The following LTO1 variants were observed in gnomAD, a reference collection of about 807,000 sequenced individuals.
LTO1 encodes the protein protein LTO1 homolog.
LTO1 carries 18 observed loss-of-function variants against 19.8 expected under a neutral mutation model. The ratio of observed to expected loss-of-function variants is 0.91; its 90% confidence interval spans 0.63 to 1.35. The LOEUF (loss-of-function observed/expected upper bound fraction) is 1.35. Ranked by LOEUF, LTO1 falls within the 40% of genes most tolerant of loss-of-function variation. LTO1 has a pLI of 0.00. For synonymous variants in LTO1, 59 were observed against 59.6 expected (o/e 0.99, Z 0.05); for missense variants, 175 against 167.9 (o/e 1.04, Z -0.23).
In LTO1 at chr11:69,665,834, A is replaced by AT. The variant is rs1856025351; in HGVS notation, c.*1684_*1685insA. 6.6e-6 allele frequency: 1 copy of AT among 152,190 alleles called. No homozygotes were observed. The highest frequency in any genetic ancestry group is 2.1e-4 in the South Asian group (1 of 4,824). The allele number at this position is 152,190 out of a possible 1,614,324, so 9.4% of individuals were successfully genotyped here. A position where few individuals can be genotyped will look rare whatever the true frequency, so the allele number is the denominator to read the frequency against. ...CACACACGCAGGTTTAGAGTTCGGGAGGAGGAGACCTAAGTCCTGTCTTCA... is the reference window on the plus strand; with the variant it reads ...CACACACGCAGGTTTAGAGTTCGGGATGGAGGAGACCTAAGTCCTGTCTTCA... On this transcript the variant is annotated 3_prime_UTR_variant, in exon 5 of 5. Coordinates refer to ENST00000279147, the MANE Select transcript of LTO1 (RefSeq NM_153451.3).
At chr11:69,672,142 G>A in intron 2 of LTO1, 1 of 318,356 alleles carries the variant, frequency 3.1e-6, no homozygotes, top group Non-Finnish European at 6.2e-6. Flanking sequence ...ATAAAAGCCA[G>A]TGTCACTTGC....
chr11:69,671,606 C>A, intron 3 of LTO1, 143 bp downstream of exon 3: 1 of 648,536 alleles, frequency 1.5e-6, no homozygotes. Context: ...AATCTCCTAA[C>A]AACACTCAAG....
chr11:69,673,390 CTCTTG>C, intron 1 of LTO1, 69 bp from the exon 2 acceptor site: 1 of 1,068,990 alleles, frequency 9.4e-7, no homozygotes, highest in Non-Finnish European at 1.5e-6. Flanking sequence ...AAACTTCTCT[CTCTTG>C]TATTACCCGG....
Position 69,667,915 on chromosome 11 carries a change from T to C in LTO1, c.325A>G (p.Ile109Val). ...YDKLHEDLDK[I>V]RGKFKQFCSL... ...CGCACCTGTTTAAATTTTCCTCTGA[T>C]CTTGTCTAAGTCTTCATGGAGTTTA... The change falls in exon 4 of 5, where the codon ATC becomes GTC. Residue 109 changes from isoleucine (I) to valine (V), a missense_variant. Coordinates refer to ENST00000279147, the MANE Select transcript of LTO1 (RefSeq NM_153451.3). 2 of 1,543,448 alleles carry C rather than the reference T, an allele frequency of 1.3e-6. No homozygotes were observed. Among genetic ancestry groups the C allele is most frequent in the South Asian group, 1.1e-5 (1 of 89,646 alleles).
At chr11:69,673,763 C>T (rs568090980) in intron 1 of LTO1, among the ~76,000 whole-genome samples, 1 of 146,664 alleles carries the variant, frequency 6.8e-6, no homozygotes, top group Admixed American at 6.9e-5. Flanking sequence ...TCACAGCTCA[C>T]TATAGCCTCA....
intron 1 of LTO1, 37 bp downstream of exon 1, chr11:69,675,153 A>C (rs1856171958): frequency 2.5e-6 from 4 of 1,583,592 alleles, no homozygotes; most frequent in Admixed American, 3.5e-5. Context: ...GGAGACGACC[A>C]GACAGGGCGG....
At chr11:69,672,690 A>G (rs1007944919) in intron 2 of LTO1, 4 of 199,480 alleles carry the variant, frequency 2.0e-5, no homozygotes, top group Non-Finnish European at 3.2e-5. Context: ...TCCAGCATGC[A>G]TAATTTAATT....
chr11:69,670,043 A>C (rs1856086296), intron 3 of LTO1, among the ~76,000 whole-genome samples: 1 of 151,992 alleles, frequency 6.6e-6, no homozygotes, highest in African/African-American at 2.4e-5. Flanking sequence ...GACATGTAAG[A>C]TCTAAACATC....
chr11:69,667,439 G>A lies in LTO1; in HGVS notation c.*80C>T, dbSNP rs775449809. ...AATGAACAACTGCCTTCCCAGCACCGTCTGGCCCTTCACCGCATTTCTAAA... is the reference window on the plus strand; with the variant it reads ...AATGAACAACTGCCTTCCCAGCACCATCTGGCCCTTCACCGCATTTCTAAA... On this transcript the variant is annotated 3_prime_UTR_variant, in exon 5 of 5. Transcript: ENST00000279147. 6.6e-5 allele frequency: 63 copies of A among 955,116 alleles called. No homozygotes were observed. The highest frequency in any genetic ancestry group is 2.1e-4 in the Middle Eastern group (1 of 4,768). The allele number at this position is 955,116 out of a possible 1,614,324, so 59.2% of individuals were successfully genotyped here. A position where few individuals can be genotyped will look rare whatever the true frequency, so the allele number is the denominator to read the frequency against.
rs187474083 is a variant in LTO1 at position 69,674,514 on chromosome 11, A to G, written c.50+676T>C. The G allele has an allele frequency of 1.2e-5, 4 of 339,106 alleles. No homozygotes were observed. In the Admixed American group the frequency reaches 1.6e-4, roughly 13 times the overall value. 21.0% of individuals were successfully genotyped at this position (339,106 alleles called of 1,614,324 possible). On this transcript the variant is annotated intron_variant, in intron 1 of 4. Transcript: ENST00000279147. ...ACCCTGGAAAGTGACTGTGCCTCCTAGTCTGTAAATTCCGAAGAATAATAG... is the reference window on the plus strand; with the variant it reads ...ACCCTGGAAAGTGACTGTGCCTCCTGGTCTGTAAATTCCGAAGAATAATAG...
At chr11:69,675,005 G>C (rs773457896) in intron 1 of LTO1, 185 bp downstream of exon 1, 4 of 696,766 alleles carry the variant, frequency 5.7e-6, no homozygotes, top group South Asian at 3.1e-5. Flanking sequence ...GCCGGAGCGG[G>C]CCAGGAGAAG....
In LTO1 at chr11:69,671,817, G is replaced by C. The variant is rs554259450; in HGVS notation, c.159C>G (p.Ile53Met). Residue 53 changes from isoleucine (I) to methionine (M), a missense_variant and splice_region_variant, in exon 3 of 5, where the codon ATC (isoleucine) becomes ATG (methionine). Ile to Met is a conservative substitution (Grantham distance 10). Coordinates refer to ENST00000279147, the MANE Select transcript of LTO1 (RefSeq NM_153451.3). ...TLHGAKIGSE[I>M]GCYQGFAFAW... Reference sequence around the variant, plus strand: ...CAAAAGCAAAACCTTGGTAGCACCCGATCTGTGAATGTGAAAAATATTTAA... The same window carrying C: ...CAAAAGCAAAACCTTGGTAGCACCCCATCTGTGAATGTGAAAAATATTTAA... The C allele has an allele frequency of 2.5e-6, 4 of 1,571,312 alleles. No individual in the cohort carries two copies. The highest frequency in any genetic ancestry group is 1.8e-6 in the Non-Finnish European group (2 of 1,141,030).
At position 69,673,324 on chromosome 11, in the gene LTO1, G is replaced by A; in HGVS notation, c.51-3C>T. 6.3e-7 allele frequency: 1 copy of A among 1,579,252 alleles called. No individual in the cohort carries two copies. The highest frequency in any genetic ancestry group is 8.7e-7 in the Non-Finnish European group (1 of 1,148,532). The stretch of plus-strand genomic sequence containing the variant: ...CCCGATACCCTTCCCCATGAAACCT[G>A]TGAAGAAGAAGCATGCTTCATCAAA... On this transcript the variant is annotated splice_region_variant and splice_polypyrimidine_tract_variant and intron_variant, in intron 1 of 4. Transcript: ENST00000279147.
In LTO1 at chr11:69,675,302, C is replaced by T. The variant is rs1019637916; in HGVS notation, c.-63G>A. 9 of 1,323,964 alleles carry T rather than the reference C, an allele frequency of 6.8e-6. No individual in the cohort carries two copies. The East Asian group carries it at 1.6e-4, about 23-fold the overall frequency. The allele number at this position is 1,323,964 out of a possible 1,614,324, so 82.0% of individuals were successfully genotyped here. A position where few individuals can be genotyped will look rare whatever the true frequency, so the allele number is the denominator to read the frequency against. Reference sequence around the variant, plus strand: ...CAGCCCCGCGGTGCCGTAGCAGACCCGGCAGCTTCAGGCACAAATGCTCCG... The same window carrying T: ...CAGCCCCGCGGTGCCGTAGCAGACCTGGCAGCTTCAGGCACAAATGCTCCG... On this transcript the variant is annotated 5_prime_UTR_variant, in exon 1 of 5. Coordinates refer to ENST00000279147, the MANE Select transcript of LTO1 (RefSeq NM_153451.3).
At chr11:69,674,886 C>T (rs1013792626) in intron 1 of LTO1, 2 of 652,652 alleles carry the variant, frequency 3.1e-6, no homozygotes, top group African/African-American at 3.6e-5. Flanking sequence ...GGTCTGTCCT[C>T]CCAGAGGACG....
At chr11:69,672,448 A>T (rs1856122277) in intron 2 of LTO1, 1 of 156,586 alleles carries the variant, frequency 6.4e-6, no homozygotes, top group South Asian at 1.9e-4. Flanking sequence ...CAATATAGTC[A>T]TAACTGCCTC....
intron 3 of LTO1, among the ~76,000 whole-genome samples, chr11:69,669,373 C>T (rs1481028201): frequency 2.0e-5 from 3 of 152,212 alleles, no homozygotes; most frequent in Non-Finnish European, 4.4e-5. Context: ...TACTTGCAAA[C>T]AGCTGGTGCT....
In LTO1 at chr11:69,666,658, T is replaced by A. The variant is rs1050383708; in HGVS notation, c.*861A>T. ...AACATTTGGTCTTTGGTTCAAAATA[T>A]TTCCCCCCTTCACCATTTTTTAATG... is the stretch of plus-strand genomic sequence containing the variant. On this transcript the variant is annotated 3_prime_UTR_variant, in exon 5 of 5. Coordinates refer to ENST00000279147, the MANE Select transcript of LTO1 (RefSeq NM_153451.3). 11 of 152,254 alleles carry A rather than the reference T, an allele frequency of 7.2e-5. No homozygotes were observed. Among genetic ancestry groups the A allele is most frequent in the African/African-American group, 2.7e-4 (11 of 41,448 alleles). 9.4% of individuals were successfully genotyped at this position (152,254 alleles called of 1,614,324 possible). A position where few individuals can be genotyped will look rare whatever the true frequency, so the allele number is the denominator to read the frequency against.
At position 69,667,506 on chromosome 11, in the gene LTO1, T is replaced by C. The variant is rs778305762; in HGVS notation, c.*13A>G. 6.2e-5 allele frequency: 98 copies of C among 1,570,242 alleles called. No homozygotes were observed. The highest frequency in any genetic ancestry group is 8.2e-5 in the Non-Finnish European group (93 of 1,140,102). On this transcript the variant is annotated 3_prime_UTR_variant, in exon 5 of 5. Transcript: ENST00000279147. ...CTGTTCCTCGACGTTCGGTCTCTGT[T>C]CATCCATCCTCCTCAAAATGAAAGT... is the stretch of plus-strand genomic sequence containing the variant.
Sources: allele counts gnomAD v4.1 joint callset (sites outside exome capture counted in the v4.1 genomes callset), GRCh38; gene constraint gnomAD v4.1.1; transcripts MANE v1.5; gene names NCBI Gene and HGNC (gene_info 2026-07-23, HGNC 2026-07-21).